The following RIT2 variants were observed in gnomAD, a reference collection of about 807,000 sequenced individuals.
RIT2 encodes the protein GTP-binding protein Rit2.
Under a neutral mutation model 23.7 loss-of-function variants are expected in RIT2, and 24 were observed. The ratio of observed to expected loss-of-function variants is 1.01; its 90% CI spans 0.73 to 1.43. The LOEUF is 1.43. Among genes scored for constraint, RIT2 ranks in the 40% most tolerant of loss-of-function variants. The pLI, the probability that RIT2 is intolerant of heterozygous loss-of-function variation, is 0.00. For synonymous variants in RIT2, 107 were observed against 91.1 expected, an observed-to-expected ratio of 1.17 and a Z score of -0.99; for missense variants, 236 against 266.9, an observed-to-expected ratio of 0.88 and a Z score of 0.81.
At chr18:42,776,842 A>T (rs1913683382) in intron 4 of RIT2, among the ~76,000 whole-genome samples, 1 of 152,220 alleles carries the variant, frequency 6.6e-6, no homozygotes, top group African/African-American at 2.4e-5. Flanking sequence ...GGAAGGGCAT[A>T]AAGAAGGGAA....
At chr18:43,022,025 A>C (rs930900137) in intron 2 of RIT2, among the ~76,000 whole-genome samples, 1 of 152,120 alleles carries the variant, frequency 6.6e-6, no homozygotes, top group Non-Finnish European at 1.5e-5. Context: ...TTGCAGCACT[A>C]TTCACAATAG....
chr18:42,776,863 C>A (rs1913684386), intron 4 of RIT2, among the ~76,000 whole-genome samples: 1 of 152,030 alleles, frequency 6.6e-6, no homozygotes, highest in Non-Finnish European at 1.5e-5. Context: ...ATAACATTAT[C>A]AGAGTTACAT....
intron 2 of RIT2, among the ~76,000 whole-genome samples, chr18:43,026,620 G>GAAAGAA (rs1555652906): frequency 8.5e-4 from 120 of 141,900 alleles, no homozygotes; most frequent in Non-Finnish European, 1.2e-3. Flanking sequence ...AAGAAAGAAA[G>GAAAGAA]AAAGAAAGAA....
intron 1 of RIT2, among the ~76,000 whole-genome samples, chr18:43,055,541 TA>T (rs1912481505): frequency 6.6e-6 from 1 of 152,088 alleles, no homozygotes; most frequent in South Asian, 2.1e-4. Flanking sequence ...AATGATTAAA[TA>T]AAATATATTC....
chr18:42,869,124 T>C (rs1350464029), intron 4 of RIT2, among the ~76,000 whole-genome samples: 2 of 152,238 alleles, frequency 1.3e-5, no homozygotes, highest in African/African-American at 4.8e-5. Flanking sequence ...GTCCCCAAAC[T>C]TATTGGCACC....
Position 42,743,879 on chromosome 18 carries a change from C to G in RIT2, c.427-159G>C, listed in dbSNP as rs571933972. Among the ~76,000 whole-genome samples, 54 of 152,266 alleles carry G rather than the reference C, an allele frequency of 3.5e-4. 1 individual carries two copies. The highest frequency in any genetic ancestry group is 1.1e-3 in the Admixed American group (17 of 15,290). ...TATACGCCCAGATGGCCTGAAGTAA[C>G]TGAAGAATCACAAAAGAAGTGAAAA... On this transcript the variant is annotated intron_variant, in intron 4 of 4. Transcript: ENST00000326695.
At chr18:43,015,487 A>C (rs1911452991) in intron 2 of RIT2, among the ~76,000 whole-genome samples, 1 of 151,744 alleles carries the variant, frequency 6.6e-6, no homozygotes, top group African/African-American at 2.4e-5. Flanking sequence ...AGAAGTAAAA[A>C]AGTGATCTAA....
intron 3 of RIT2, among the ~76,000 whole-genome samples, chr18:42,957,747 G>A (rs370228600): frequency 6.6e-6 from 1 of 152,084 alleles, no homozygotes; most frequent in Non-Finnish European, 1.5e-5. Flanking sequence ...TTGCACCACT[G>A]CACTCCAGCC....
At chr18:42,758,030 A>G (rs1291564586) in intron 4 of RIT2, among the ~76,000 whole-genome samples, 1 of 151,128 alleles carries the variant, frequency 6.6e-6, no homozygotes, top group Non-Finnish European at 1.5e-5. Context: ...TCAATCCTGC[A>G]GTATTAGTTG....
chr18:43,050,698 C>T (rs1242213840), intron 1 of RIT2, among the ~76,000 whole-genome samples: 2 of 151,990 alleles, frequency 1.3e-5, no homozygotes, highest in Non-Finnish European at 1.5e-5. Context: ...GGTTTTAAGA[C>T]CCTCCCCAGA....
At chr18:42,850,076 CGTGTGTGTGTGT>C (rs60962443) in intron 4 of RIT2, among the ~76,000 whole-genome samples, 6 of 142,736 alleles carry the variant, frequency 4.2e-5, no homozygotes, top group Middle Eastern at 7.1e-3. Context: ...AAAATACACC[CGTGTGTGTGTGT>C]GTGTGTGTGT....
At chr18:42,813,063 C>G (rs919368546) in intron 4 of RIT2, among the ~76,000 whole-genome samples, 4 of 152,086 alleles carry the variant, frequency 2.6e-5, no homozygotes, top group African/African-American at 9.7e-5. Context: ...ATGAAAGTGG[C>G]TTTATGGCAA....
chr18:43,094,829 T>G (rs561637895), intron 1 of RIT2, among the ~76,000 whole-genome samples: 1 of 152,148 alleles, frequency 6.6e-6, no homozygotes, highest in South Asian at 2.1e-4. Context: ...TCTGTCCTTG[T>G]GATAGTTTGC....
chr18:42,951,027 A>T (rs1909839890), intron 3 of RIT2, among the ~76,000 whole-genome samples: 1 of 152,242 alleles, frequency 6.6e-6, no homozygotes, highest in Admixed American at 6.6e-5. Flanking sequence ...CAGAGAACTT[A>T]ATGCAGAACT....
chr18:42,747,755 T>TAAAGCCAAA (rs1214841120), intron 4 of RIT2, among the ~76,000 whole-genome samples: 1 of 152,026 alleles, frequency 6.6e-6, no homozygotes, highest in African/African-American at 2.4e-5. Context: ...CCAAGAGATC[T>TAAAGCCAAA]TTGACAAAGC....
chr18:43,025,830 A>C (rs1270918462), intron 2 of RIT2, among the ~76,000 whole-genome samples: 5 of 152,024 alleles, frequency 3.3e-5, no homozygotes, highest in Non-Finnish European at 7.4e-5. Flanking sequence ...AGACTCCAAA[A>C]GGTGGGATGG....
chr18:42,907,990 A>G (rs1028463747), intron 4 of RIT2, among the ~76,000 whole-genome samples: 2 of 152,074 alleles, frequency 1.3e-5, no homozygotes, highest in African/African-American at 4.8e-5. Flanking sequence ...TAAGGCAACC[A>G]TCATAAAATG....
intron 4 of RIT2, among the ~76,000 whole-genome samples, chr18:42,882,403 G>T (rs943133550): frequency 6.6e-6 from 1 of 152,106 alleles, no homozygotes; most frequent in Non-Finnish European, 1.5e-5. Flanking sequence ...AGCAGTCTTC[G>T]CTAATTTCAG....
chr18:42,952,924 T>C (rs552455806), intron 3 of RIT2, among the ~76,000 whole-genome samples: 5 of 151,722 alleles, frequency 3.3e-5, no homozygotes, highest in Admixed American at 2.0e-4. Flanking sequence ...TTCTTTTCTT[T>C]ACAGTTTTAT....
Sources: allele counts gnomAD v4.1 joint callset (sites outside exome capture counted in the v4.1 genomes callset), GRCh38; gene constraint gnomAD v4.1.1; transcripts MANE v1.5; gene names NCBI Gene and HGNC (gene_info 2026-07-23, HGNC 2026-07-21).